Variants in VAV2 observed in about 807,000 individuals in gnomAD.
VAV2 encodes guanine nucleotide exchange factor VAV2.
Under a neutral mutation model 132.5 loss-of-function variants are expected in VAV2, and 67 were observed. That is an observed-to-expected ratio of 0.51 (90% CI 0.42 to 0.62). The LOEUF (loss-of-function observed/expected upper bound fraction) is 0.62. Among genes scored for constraint, VAV2 ranks in the 20% least tolerant of loss-of-function variants. The probability of loss-of-function intolerance (pLI) is 0.00; values close to 1 mark genes in which losing one functional copy is unlikely to be tolerated. For missense variants in VAV2, 938 were observed against 1,153.6 expected (o/e 0.81, Z 2.71); for synonymous variants, 492 against 443.5 (o/e 1.11, Z -1.37).
intron 22 of VAV2, 33 bp downstream of exon 22, chr9:133,778,729 G>C: frequency 6.2e-7 from 1 of 1,608,454 alleles, no homozygotes; most frequent in African/African-American, 1.3e-5. Context: ...CTGGAGCCGG[G>C]GACCCTCGAC....
chr9:133,923,641 G>A lies in VAV2; in HGVS notation c.321+15462C>T, dbSNP rs911202988. The stretch of plus-strand genomic sequence containing the variant: ...TTTGACCCAGCCATCCCATTACTGG[G>A]TATATACTCAAAGGATTATAAATCA... On this transcript the variant is annotated intron_variant, in intron 2 of 29. Coordinates refer to ENST00000371850, the MANE Select transcript of VAV2 (RefSeq NM_001134398.2). Among the ~76,000 whole-genome samples, 9 of 152,264 alleles carry A rather than the reference G, an allele frequency of 5.9e-5. No homozygotes were observed. In the East Asian group the frequency reaches 1.2e-3, roughly 20 times the overall value.
chr9:133,900,155 C>A (rs1039958106), intron 2 of VAV2, among the ~76,000 whole-genome samples: 1 of 152,086 alleles, frequency 6.6e-6, no homozygotes, highest in Non-Finnish European at 1.5e-5. Context: ...GCCACGATTA[C>A]ACCACTGCAC....
At chr9:133,797,077 T>C (rs1402075060) in intron 10 of VAV2, among the ~76,000 whole-genome samples, 4 of 152,166 alleles carry the variant, frequency 2.6e-5, no homozygotes, top group Admixed American at 2.0e-4. Flanking sequence ...CAGGGGGCTC[T>C]TCACCAGGCT....
At chr9:133,827,840 C>G (rs1245510480) in intron 4 of VAV2, among the ~76,000 whole-genome samples, 4 of 140 alleles carry the variant, frequency 0.029, 2 homozygotes, top group Admixed American at 0.12. Flanking sequence ...GGCATCACCA[C>G]CTACCGCTGC....
intron 2 of VAV2, among the ~76,000 whole-genome samples, chr9:133,909,283 C>T (rs547669176): frequency 5.3e-5 from 8 of 152,264 alleles, no homozygotes; most frequent in African/African-American, 1.9e-4. Flanking sequence ...GCGGCCTCCC[C>T]CAAGTCCCTG....
chr9:133,763,091 T>A lies in VAV2; in HGVS notation c.*971A>T, dbSNP rs1004214670. 3 of 152,614 alleles carry A rather than the reference T, an allele frequency of 2.0e-5. No homozygotes were observed. Among genetic ancestry groups the A allele is most frequent in the Non-Finnish European group, 4.4e-5 (3 of 68,088 alleles). The allele number at this position is 152,614 out of a possible 1,614,324, so 9.5% of individuals were successfully genotyped here. ...TGCAGGGGCCCTTGGAAGGAAGCCC[T>A]GCCAGGGGCTGGAACCAACCTCTCG... On this transcript the variant is annotated 3_prime_UTR_variant, in exon 30 of 30. Coordinates refer to ENST00000371850, the MANE Select transcript of VAV2 (RefSeq NM_001134398.2). The surrounding 1 kb of genome is among the most constrained non-coding windows in gnomAD (Gnocchi z 6.8).
In VAV2 at chr9:133,883,292, G is replaced by A. The variant is rs768589499; in HGVS notation, c.322-21860C>T. Among the ~76,000 whole-genome samples the A allele has an allele frequency of 2.0e-5, 3 of 152,212 alleles. No homozygotes were observed. Among genetic ancestry groups the A allele is most frequent in the Admixed American group, 2.0e-4 (3 of 15,284 alleles). ...GACAACGATTCTCTGCACAAATGGC[G>A]GACCCACAGAGGAGCGAAGGCGCAG... On this transcript the variant is annotated intron_variant, in intron 2 of 29. Transcript: ENST00000371850. This position sits in a 1 kb window ranked among gnomAD's most constrained non-coding sequence, Gnocchi z 4.2.
intron 2 of VAV2, among the ~76,000 whole-genome samples, chr9:133,896,469 T>C (rs1839209881): frequency 6.6e-6 from 1 of 151,806 alleles, no homozygotes; most frequent in Admixed American, 6.6e-5. Flanking sequence ...AATAAATAAA[T>C]AAAATAAAAA....
At chr9:133,793,204 G>A (rs1834566097) in intron 12 of VAV2, among the ~76,000 whole-genome samples, 2 of 152,068 alleles carry the variant, frequency 1.3e-5, no homozygotes, top group East Asian at 1.9e-4. Flanking sequence ...TCCAGAAAAC[G>A]CAGTGTCCAG....
chr9:133,938,614 CAG>C (rs1841014104), intron 2 of VAV2, among the ~76,000 whole-genome samples: 1 of 152,084 alleles, frequency 6.6e-6, no homozygotes, highest in Non-Finnish European at 1.5e-5. Flanking sequence ...TTCCCAGAGT[CAG>C]AGACAGTTCT....
intron 4 of VAV2, among the ~76,000 whole-genome samples, chr9:133,820,605 G>A (rs565756132): frequency 1.3e-5 from 2 of 152,276 alleles, no homozygotes; most frequent in East Asian, 1.9e-4. Flanking sequence ...GATTACAGGC[G>A]TGAGCCACCG....
chr9:133,862,360 T>C (rs1837631076), intron 2 of VAV2, among the ~76,000 whole-genome samples: 1 of 151,938 alleles, frequency 6.6e-6, no homozygotes, highest in African/African-American at 2.4e-5. Context: ...GTCACACACA[T>C]GAGATGGGCG....
At chr9:133,955,048 C>T (rs1163721775) in intron 1 of VAV2, among the ~76,000 whole-genome samples, 1 of 152,022 alleles carries the variant, frequency 6.6e-6, no homozygotes, top group African/African-American at 2.4e-5. Flanking sequence ...CTTCCTCCGG[C>T]TACCCCACAG....
chr9:133,825,053 G>A (rs939096336), intron 4 of VAV2, among the ~76,000 whole-genome samples: 4 of 152,216 alleles, frequency 2.6e-5, no homozygotes, highest in Admixed American at 2.6e-4. Flanking sequence ...AGCCACATGC[G>A]GCCAAGGAGA....
intron 1 of VAV2, among the ~76,000 whole-genome samples, chr9:133,967,413 A>C (rs1378206378): frequency 6.6e-6 from 1 of 152,238 alleles, no homozygotes; most frequent in African/African-American, 2.4e-5. Flanking sequence ...GCATGTAAAC[A>C]AAAGAAAGGA....
At chr9:133,988,975 G>A (rs113457460) in intron 1 of VAV2, among the ~76,000 whole-genome samples, 1 of 152,110 alleles carries the variant, frequency 6.6e-6, no homozygotes, top group African/African-American at 2.4e-5. Flanking sequence ...ACTTAGGGAG[G>A]CCTAGGCGGG....
At position 133,807,619 on chromosome 9, in the gene VAV2, G is replaced by A. The variant is rs180811842; in HGVS notation, c.667-293C>T. Among the ~76,000 whole-genome samples, 578 of 152,292 alleles carry A rather than the reference G, an allele frequency of 3.8e-3. 2 individuals are homozygous for A. The highest frequency in any genetic ancestry group is 0.013 in the African/African-American group (548 of 41,534). ...GCACTATGGCTGCCCTGAGGTGGGC[G>A]TTGGGGTTGTGGCTTGCGGTGAGGG... On this transcript the variant is annotated intron_variant, in intron 7 of 29. Transcript: ENST00000371850.
At chr9:133,957,145 C>G (rs1307483416) in intron 1 of VAV2, among the ~76,000 whole-genome samples, 1 of 152,182 alleles carries the variant, frequency 6.6e-6, no homozygotes, top group Non-Finnish European at 1.5e-5. Context: ...CCCTGCTTTA[C>G]CAGGTGGGGA....
At chr9:133,785,945 G>A (rs1445761405) in intron 16 of VAV2, 60 bp from the exon 17 acceptor site, 2 of 1,451,330 alleles carry the variant, frequency 1.4e-6, no homozygotes, top group Non-Finnish European at 1.9e-6. Context: ...CCTGGCACAT[G>A]TCCACGTGTA....
Sources: allele counts gnomAD v4.1 joint callset (sites outside exome capture counted in the v4.1 genomes callset), GRCh38; gene constraint gnomAD v4.1.1; non-coding constraint Gnocchi (gnomAD v3.1); transcripts MANE v1.5; gene names NCBI Gene and HGNC (gene_info 2026-07-23, HGNC 2026-07-21).